Variants in RIC3 observed in about 807,000 individuals in gnomAD.
RIC3 encodes the protein RIC3 acetylcholine receptor chaperone.
A neutral mutation model predicts 27.3 loss-of-function variants in RIC3; 28 were observed. The ratio of observed to expected loss-of-function variants is 1.02; its 90% confidence interval spans 0.76 to 1.41. The LOEUF (loss-of-function observed/expected upper bound fraction) is 1.41. Among genes scored for constraint, RIC3 ranks in the 40% most tolerant of loss-of-function variants. RIC3 has a pLI of 0.00. For missense variants in RIC3, 501 were observed against 444.7 expected (o/e 1.13, Z -1.14); for synonymous variants, 184 against 160.4 (o/e 1.15, Z -1.11).
the RIC3 span, among the ~76,000 whole-genome samples, chr11:8,099,232 C>T: frequency 6.6e-5 from 10 of 152,248 alleles, no homozygotes; most frequent in African/African-American, 2.4e-4. Context: ...TTACACGGCA[C>T]TTTGTCATCT....
chr11:8,114,673 T>A (rs998666984), intron 5 of RIC3, among the ~76,000 whole-genome samples: 1 of 149,138 alleles, frequency 6.7e-6, no homozygotes. Flanking sequence ...GAATTCAAGA[T>A]AACTGTTTTA....
chr11:8,147,952 C>A (rs1190101714), intron 1 of RIC3, among the ~76,000 whole-genome samples: 1 of 152,050 alleles, frequency 6.6e-6, no homozygotes, highest in Non-Finnish European at 1.5e-5. Context: ...GGTCTTATCT[C>A]CTGACCTCAT....
the RIC3 span, chr11:8,096,656 C>G: frequency 1.4e-6 from 2 of 1,466,024 alleles, no homozygotes; most frequent in Non-Finnish European, 9.6e-7. Context: ...TCTCCTCCTT[C>G]ATCCCTTCTT....
intron 5 of RIC3, among the ~76,000 whole-genome samples, chr11:8,121,060 G>A (rs1004307397): frequency 3.3e-5 from 5 of 152,178 alleles, no homozygotes; most frequent in Non-Finnish European, 7.4e-5. Context: ...ATATGAGACA[G>A]TGGTTAAGAA....
At chr11:8,134,640 C>A (rs893678659) in intron 4 of RIC3, among the ~76,000 whole-genome samples, 3 of 152,202 alleles carry the variant, frequency 2.0e-5, no homozygotes, top group Admixed American at 1.3e-4. Context: ...TATTTCTCCA[C>A]ATCCTCTCCA....
chr11:8,101,491 T>C, downstream of RIC3: 1 of 1,614,224 alleles, frequency 6.2e-7, no homozygotes, highest in Non-Finnish European at 8.5e-7. Context: ...CCCAGCGGAC[T>C]ACATCGTGAT....
At chr11:8,130,292 T>C (rs1402381648) in intron 4 of RIC3, among the ~76,000 whole-genome samples, 3 of 152,226 alleles carry the variant, frequency 2.0e-5, no homozygotes, top group African/African-American at 7.2e-5. Context: ...ACTGTACTTT[T>C]GGACCTTGAA....
chr11:8,114,770 G>C (rs965451570), intron 5 of RIC3, among the ~76,000 whole-genome samples: 1 of 151,358 alleles, frequency 6.6e-6, no homozygotes. Flanking sequence ...AAAAATTTAC[G>C]AGAGATTGAA....
intron 5 of RIC3, among the ~76,000 whole-genome samples, 200 bp downstream of exon 5, chr11:8,126,459 T>C (rs1203907884): frequency 1.3e-5 from 2 of 152,190 alleles, no homozygotes; most frequent in Non-Finnish European, 2.9e-5. Context: ...TCTGGAGTAA[T>C]GGAAATGTTC....
rs533243067 is a variant in RIC3 at position 8,163,018 on chromosome 11, A to AAAACAC, written c.124+5847_124+5848insGTGTTT. Among the ~76,000 whole-genome samples the AAAACAC allele has an allele frequency of 2.0e-3, 272 of 136,048 alleles. 1 individual carries two copies. The highest frequency in any genetic ancestry group is 7.2e-3 in the African/African-American group (262 of 36,456). 89.3% of individuals were successfully genotyped at this position (136,048 alleles called of 152,430 possible). ...CCTTCTTTTTCATCTGGATTATTTA[A>AAAACAC]ACACACACACACACACACACACACA... On this transcript the variant is annotated intron_variant, in intron 1 of 5. Transcript: ENST00000309737.
chr11:8,168,292 T>A (rs986242713), intron 1 of RIC3, among the ~76,000 whole-genome samples: 1 of 152,200 alleles, frequency 6.6e-6, no homozygotes, highest in Non-Finnish European at 1.5e-5. Flanking sequence ...GGGAACGTAA[T>A]AATTTGTTCA....
chr11:8,125,896 A>C (rs1470585192), intron 5 of RIC3, among the ~76,000 whole-genome samples: 1 of 152,062 alleles, frequency 6.6e-6, no homozygotes. Context: ...AAAATTATTC[A>C]GGTGTGGTGC....
intron 1 of RIC3, among the ~76,000 whole-genome samples, chr11:8,165,776 T>G (rs546473359): frequency 3.2e-3 from 358 of 112,370 alleles, no homozygotes; most frequent in African/African-American, 0.012. Flanking sequence ...GTTTTTTTTT[T>G]GTTTTGTTTT....
chr11:8,126,418 G>A (rs190320270), intron 5 of RIC3, among the ~76,000 whole-genome samples: 4 of 152,224 alleles, frequency 2.6e-5, no homozygotes, highest in African/African-American at 7.2e-5. Flanking sequence ...CCAGGGGCAG[G>A]AGAAGGGCAT....
intron 1 of RIC3, among the ~76,000 whole-genome samples, chr11:8,155,792 G>A (rs968886172): frequency 2.6e-5 from 4 of 152,124 alleles, no homozygotes; most frequent in Non-Finnish European, 5.9e-5. Flanking sequence ...TAGAAACAGC[G>A]GTTCAAGAAA....
the RIC3 span, among the ~76,000 whole-genome samples, chr11:8,093,441 A>G: frequency 6.6e-6 from 1 of 152,178 alleles, no homozygotes; most frequent in Non-Finnish European, 1.5e-5. Flanking sequence ...ATCAGAAACC[A>G]TTCAAGGATT....
At chr11:8,137,580 T>C (rs1465406371) in intron 3 of RIC3, 109 bp from the exon 4 acceptor site, 1 of 693,104 alleles carries the variant, frequency 1.4e-6, no homozygotes, top group South Asian at 2.3e-5. Context: ...CCCATTACTA[T>C]CTCATTGAAG....
rs371757019 is a variant in RIC3 at position 8,121,468 on chromosome 11, C to A, written c.670+5191G>T. On this transcript the variant is annotated intron_variant, in intron 5 of 5. Transcript: ENST00000309737. ...CAGTGGCTCACGTCTGTAATCCCAGCACTTTGGGAGGTTGTGGTGGGCAGA... is the reference window on the plus strand; with the variant it reads ...CAGTGGCTCACGTCTGTAATCCCAGAACTTTGGGAGGTTGTGGTGGGCAGA... 7.2e-4 allele frequency among the ~76,000 whole-genome samples: 109 copies of A among 152,174 alleles called. 1 individual carries two copies. The South Asian group carries it at 0.023, about 32-fold the overall frequency.
intron 3 of RIC3, 70 bp downstream of exon 3, chr11:8,138,202 G>T: frequency 9.1e-7 from 1 of 1,098,176 alleles, no homozygotes; most frequent in Non-Finnish European, 1.4e-6. Context: ...CATACCCACA[G>T]ACTGTCCCTG....
Sources: gnomAD v4.1 joint callset for allele counts (sites outside exome capture counted in the v4.1 genomes callset) on GRCh38, gnomAD v4.1.1 for gene constraint, MANE v1.5 for transcripts, NCBI Gene and HGNC (gene_info 2026-07-23, HGNC 2026-07-21) for gene names.